Variants in THSD4 observed in about 807,000 individuals in gnomAD.
THSD4 encodes thrombospondin type-1 domain-containing protein 4.
THSD4 carries 69 observed loss-of-function variants against 119.0 expected under a neutral mutation model. The ratio of observed to expected loss-of-function variants is 0.58; its 90% CI spans 0.48 to 0.71. THSD4 has a LOEUF of 0.71. Ranked by LOEUF, THSD4 falls within the 30% of genes least tolerant of loss-of-function variation. THSD4 has a pLI of 0.00. For synonymous variants in THSD4, 524 were observed against 540.4 expected (o/e 0.97, Z 0.42); for missense variants, 1,393 against 1,391.1 (o/e 1.00, Z -0.02).
chr15:71,173,195 A>G (rs1596242349), intron 3 of THSD4, among the ~76,000 whole-genome samples: 1 of 152,166 alleles, frequency 6.6e-6, no homozygotes, highest in Non-Finnish European at 1.5e-5. Context: ...CAAGGTCAAC[A>G]TGCAAAAATC....
chr15:71,255,328 A>G (rs60530204), intron 5 of THSD4, among the ~76,000 whole-genome samples: 6,419 of 152,260 alleles, frequency 0.042, 465 homozygotes, highest in African/African-American at 0.15. Flanking sequence ...AATATGAATT[A>G]GAGATTCTGA....
Position 71,725,653 on chromosome 15 carries a change from C to T in THSD4, c.1358-2896C>T, listed in dbSNP as rs78768700. 3.1e-3 allele frequency among the ~76,000 whole-genome samples: 472 copies of T among 151,884 alleles called. 6 individuals carry two copies. Among genetic ancestry groups the T allele is most frequent in the African/African-American group, 0.011 (442 of 41,386 alleles). On this transcript the variant is annotated intron_variant, in intron 8 of 17. Coordinates refer to ENST00000261862, the MANE Select transcript of THSD4 (RefSeq NM_024817.3). Reference sequence around the variant, plus strand: ...TGCCGAGACATCTGAAAAGAGGAGGCCTGGGAAACACCCATTGGATTTAGC... The same window carrying T: ...TGCCGAGACATCTGAAAAGAGGAGGTCTGGGAAACACCCATTGGATTTAGC...
chr15:71,762,092 G>A (rs1345273140), intron 15 of THSD4, among the ~76,000 whole-genome samples: 2 of 151,782 alleles, frequency 1.3e-5, no homozygotes, highest in Admixed American at 1.3e-4. Context: ...ATAATTTCTG[G>A]TCCATCAAGG....
intron 7 of THSD4, among the ~76,000 whole-genome samples, chr15:71,468,537 C>T (rs994620342): frequency 6.6e-6 from 1 of 152,194 alleles, no homozygotes; most frequent in African/African-American, 2.4e-5. Context: ...ACTTCACTCC[C>T]TTGTTCCTAT....
intron 7 of THSD4, among the ~76,000 whole-genome samples, chr15:71,442,102 G>C (rs2047104051): frequency 6.6e-6 from 1 of 152,058 alleles, no homozygotes; most frequent in Non-Finnish European, 1.5e-5. Context: ...GGGACTACAG[G>C]CATGCACCAC....
chr15:71,127,971 A>G (rs1478501923), intron 1 of THSD4, among the ~76,000 whole-genome samples: 1 of 152,190 alleles, frequency 6.6e-6, no homozygotes, highest in Non-Finnish European at 1.5e-5. Flanking sequence ...ACAAAAAATT[A>G]TTCCAGGCCA....
chr15:71,640,296 G>T (rs1418925869), intron 7 of THSD4, among the ~76,000 whole-genome samples: 1 of 151,764 alleles, frequency 6.6e-6, no homozygotes, highest in African/African-American at 2.4e-5. Context: ...GCCCAGGGAG[G>T]TCCCAAACCT....
intron 4 of THSD4, among the ~76,000 whole-genome samples, chr15:71,218,710 C>G (rs1036216662): frequency 1.3e-5 from 2 of 152,136 alleles, no homozygotes; most frequent in African/African-American, 4.8e-5. Flanking sequence ...GTATATTTGA[C>G]CCCAAGGAGA....
At chr15:71,708,539 C>A (rs547213953) in intron 8 of THSD4, among the ~76,000 whole-genome samples, 1 of 152,260 alleles carries the variant, frequency 6.6e-6, no homozygotes, top group East Asian at 1.9e-4. Context: ...AAGGGTATAT[C>A]ATTTAAGTGT....
intron 1 of THSD4, among the ~76,000 whole-genome samples, chr15:71,116,332 A>G (rs888191778): frequency 6.6e-6 from 1 of 152,260 alleles, no homozygotes; most frequent in Non-Finnish European, 1.5e-5. Flanking sequence ...TTACAGAAGT[A>G]GCTTTTGCAC....
At chr15:71,121,962 T>C (rs1225027503) in intron 1 of THSD4, among the ~76,000 whole-genome samples, 1 of 152,090 alleles carries the variant, frequency 6.6e-6, no homozygotes, top group Non-Finnish European at 1.5e-5. Context: ...TTGGGAATCA[T>C]GTAGGGGAGT....
rs1269113821 is a variant in THSD4, at chr15:71,379,560, G to A, written c.1016-32127G>A. Among the ~76,000 whole-genome samples the A allele has an allele frequency of 5.7e-5, 8 of 139,794 alleles. 1 individual carries two copies. In the South Asian group the frequency reaches 1.4e-3, roughly 25 times the overall value. 91.7% of individuals were successfully genotyped at this position (139,794 alleles called of 152,430 possible). On this transcript the variant is annotated intron_variant, in intron 6 of 17. Transcript: ENST00000261862. ...TGCAAGCTCCGCCTCCAGGGTTCAC[G>A]CCATTCTCCTGCCTCAGCCTCCCAA... is the stretch of plus-strand genomic sequence containing the variant.
rs749906876 is a variant in THSD4, at chr15:71,660,741, T to C, written c.1357+7T>C. ...AAGAGCAACAACTATTTGGGTAAGCTTGGTCTTTTTCCAGAGAAAACCGTC... is the reference window on the plus strand; with the variant it reads ...AAGAGCAACAACTATTTGGGTAAGCCTGGTCTTTTTCCAGAGAAAACCGTC... On this transcript the variant is annotated splice_region_variant and intron_variant, in intron 8 of 17. Coordinates refer to ENST00000261862, the MANE Select transcript of THSD4 (RefSeq NM_024817.3). 1.2e-6 allele frequency: 2 copies of C among 1,614,010 alleles called. No homozygotes were observed. Among genetic ancestry groups the C allele is most frequent in the Admixed American group, 3.3e-5 (2 of 60,016 alleles).
At chr15:71,469,446 A>G (rs1489998285) in intron 7 of THSD4, among the ~76,000 whole-genome samples, 1 of 152,184 alleles carries the variant, frequency 6.6e-6, no homozygotes, top group African/African-American at 2.4e-5. Flanking sequence ...TGAGACAGCA[A>G]TGCGAGAATG....
chr15:71,461,795 T>C (rs980274591), intron 7 of THSD4, among the ~76,000 whole-genome samples: 1 of 109,312 alleles, frequency 9.1e-6, no homozygotes, highest in Non-Finnish European at 2.3e-5. Flanking sequence ...CTGTCAGGTT[T>C]TTTTTTTTTT....
At chr15:71,549,587 C>T (rs1423767730) in intron 7 of THSD4, 2 of 152,144 alleles carry the variant, frequency 1.3e-5, no homozygotes, top group African/African-American at 4.8e-5. Flanking sequence ...TGTCGTGTTA[C>T]TTGCAAAACT....
intron 6 of THSD4, among the ~76,000 whole-genome samples, chr15:71,401,131 C>T (rs2046526415): frequency 6.6e-6 from 1 of 151,696 alleles, no homozygotes; most frequent in Admixed American, 6.6e-5. Flanking sequence ...CAAATGCAAA[C>T]CTATGCAGTA....
chr15:71,459,167 T>C (rs1190336648), intron 7 of THSD4, among the ~76,000 whole-genome samples: 2 of 147,766 alleles, frequency 1.4e-5, no homozygotes, highest in East Asian at 1.9e-4. Context: ...TTTCTTTTTT[T>C]TTTTTTTTTT....
chr15:71,369,570 A>G (rs532996011), intron 6 of THSD4, among the ~76,000 whole-genome samples: 6 of 152,224 alleles, frequency 3.9e-5, no homozygotes, highest in East Asian at 3.9e-4. Context: ...TTCTGTTTAT[A>G]TGCTGGATTA....
Sources: gnomAD v4.1 joint callset for allele counts (sites outside exome capture counted in the v4.1 genomes callset) on GRCh38, gnomAD v4.1.1 for gene constraint, MANE v1.5 for transcripts, NCBI Gene and HGNC (gene_info 2026-07-23, HGNC 2026-07-21) for gene names.